Variants in LPIN2 observed in about 807,000 individuals in gnomAD.
The protein encoded by LPIN2 is phosphatidate phosphatase LPIN2.
A neutral mutation model predicts 111.4 loss-of-function variants in LPIN2; 55 were observed. The observed-to-expected ratio is 0.49, with a 90% CI of 0.40 to 0.62. The LOEUF is 0.62. Among genes scored for constraint, LPIN2 ranks in the 20% least tolerant of loss-of-function variants. The probability of loss-of-function intolerance (pLI) is 0.00; values close to 1 mark genes in which losing one functional copy is unlikely to be tolerated. For missense variants in LPIN2, 992 were observed against 1,112.1 expected (o/e 0.89, Z 1.54); for synonymous variants, 425 against 414.0 (o/e 1.03, Z -0.32).
At chr18:3,008,431 G>GTCT (rs2078549572) in intron 1 of LPIN2, among the ~76,000 whole-genome samples, 5 of 152,340 alleles carry the variant, frequency 3.3e-5, no homozygotes, top group Admixed American at 6.5e-5. Flanking sequence ...GACCAAGTGA[G>GTCT]ACCTTGTCTC....
At position 2,995,452 on chromosome 18, in the gene LPIN2, GT is replaced by G. The variant is rs1300217517; in HGVS notation, c.-10+17634del. Among the ~76,000 whole-genome samples, 7 of 152,228 alleles carry G rather than the reference GT, an allele frequency of 4.6e-5. No individual in the cohort carries two copies. The East Asian group carries it at 1.4e-3, about 29-fold the overall frequency. On this transcript the variant is annotated intron_variant, in intron 1 of 19. Transcript: ENST00000677752. The stretch of plus-strand genomic sequence containing the variant: ...TTCTTCCAAGTTTTGGTGTAAAACT[GT>G]TTAGTCACATCTACACTCTAGTATG...
chr18:2,996,768 C>A lies in LPIN2; in HGVS notation c.-10+16319G>T, dbSNP rs1277750745. On this transcript the variant is annotated intron_variant, in intron 1 of 19. Transcript: ENST00000677752. ...CTGGGATTACAGGCGTGAGCCACCA[C>A]GCTCGACCAATATCTTTATCTATCT... 2.6e-5 allele frequency among the ~76,000 whole-genome samples: 4 copies of A among 152,002 alleles called. No individual in the cohort carries two copies. In the East Asian group the frequency reaches 7.8e-4, roughly 30 times the overall value.
intron 2 of LPIN2, 99 bp downstream of exon 2, chr18:2,960,550 G>A (rs529355009): frequency 5.1e-6 from 6 of 1,169,170 alleles, no homozygotes; most frequent in Middle Eastern, 2.8e-4. Context: ...TCACAATAGC[G>A]ATTTATTCAT....
At chr18:2,949,175 G>A (rs1158942748) in intron 4 of LPIN2, among the ~76,000 whole-genome samples, 2 of 152,164 alleles carry the variant, frequency 1.3e-5, no homozygotes, top group East Asian at 3.8e-4. Context: ...TATTCTCCTA[G>A]TGAAGAGAAG....
intron 1 of LPIN2, among the ~76,000 whole-genome samples, chr18:2,966,713 A>G (rs1482874525): frequency 6.6e-6 from 1 of 152,176 alleles, no homozygotes; most frequent in Non-Finnish European, 1.5e-5. Flanking sequence ...ATTACAGGGA[A>G]TCCAAAGAAG....
Position 2,951,007 on chromosome 18 carries a change from T to C in LPIN2, c.590+48A>G. 3 of 1,608,444 alleles carry C rather than the reference T, an allele frequency of 1.9e-6. No individual in the cohort carries two copies. In the South Asian group the frequency reaches 3.3e-5, roughly 18 times the overall value. On this transcript the variant is annotated intron_variant, in intron 4 of 19. Coordinates refer to ENST00000677752, the MANE Select transcript of LPIN2 (RefSeq NM_001375808.2). Reference sequence around the variant, plus strand: ...AAAACTGGCAGCTCCTGGCTTCACATGAACTCTAGGTACCCGCACAAGACC... The same window carrying C: ...AAAACTGGCAGCTCCTGGCTTCACACGAACTCTAGGTACCCGCACAAGACC...
chr18:3,008,305 G>A (rs1185106855), intron 1 of LPIN2, among the ~76,000 whole-genome samples: 3 of 152,160 alleles, frequency 2.0e-5, no homozygotes, highest in African/African-American at 4.8e-5. Context: ...AGCTGGGCAC[G>A]GTGGCACCTC....
At chr18:2,980,387 C>T (rs1001269383) in intron 1 of LPIN2, among the ~76,000 whole-genome samples, 8 of 152,170 alleles carry the variant, frequency 5.3e-5, no homozygotes, top group Admixed American at 4.6e-4. Context: ...TTGTTCACCT[C>T]CAGTTGTTCT....
At chr18:2,937,646 C>CCATCTAATTTGA in intron 7 of LPIN2, 46 bp downstream of exon 7, 1 of 1,481,218 alleles carries the variant, frequency 6.8e-7, no homozygotes. Context: ...AAATAATTTA[C>CCATCTAATTTGA]CATCTAATTT....
Position 2,925,747 on chromosome 18 carries a change from T to C in LPIN2, c.1794-379A>G, listed in dbSNP as rs1057350916. Among the ~76,000 whole-genome samples the C allele has an allele frequency of 3.3e-5, 5 of 152,238 alleles. No homozygotes were observed. Among genetic ancestry groups the C allele is most frequent in the Non-Finnish European group, 7.3e-5 (5 of 68,038 alleles). On this transcript the variant is annotated intron_variant, in intron 13 of 19. Coordinates refer to ENST00000677752, the MANE Select transcript of LPIN2 (RefSeq NM_001375808.2). The surrounding 1 kb of genome is among the most constrained non-coding windows in gnomAD (Gnocchi z 4.1). ...CCGGCTGGGTGCGGTGCCTCACACC[T>C]GTAATCCCAACACTTTGGGAGGCCG... is the stretch of plus-strand genomic sequence containing the variant.
At chr18:2,946,580 G>T in intron 4 of LPIN2, 1 of 1,026,324 alleles carries the variant, frequency 9.7e-7, no homozygotes, top group Non-Finnish European at 1.5e-6. Flanking sequence ...ACCGGGAACA[G>T]CAAGAGGATG....
At chr18:2,966,645 T>C (rs2077807987) in intron 1 of LPIN2, among the ~76,000 whole-genome samples, 1 of 152,228 alleles carries the variant, frequency 6.6e-6, no homozygotes, top group Non-Finnish European at 1.5e-5. Context: ...GTGGGCTGCT[T>C]TCAGCAATCT....
chr18:2,929,198 A>C (rs1463537080), intron 9 of LPIN2, 40 bp from the exon 10 acceptor site: 1 of 1,188,056 alleles, frequency 8.4e-7, no homozygotes, highest in Non-Finnish European at 1.3e-6. Context: ...TAGAGATTAC[A>C]TAAATCCCTA....
In LPIN2 at chr18:2,920,198, G is replaced by C. The variant is rs1048760369; in HGVS notation, c.*95C>G. 1.5e-5 allele frequency: 23 copies of C among 1,548,030 alleles called. No homozygotes were observed. In the African/African-American group the frequency reaches 1.6e-4, roughly 11 times the overall value. ...GCTCCAGAAGCACCCGTCCCCGCTG[G>C]GGAAGGCTGGTATCTGAGGTCAGCA... On this transcript the variant is annotated 3_prime_UTR_variant, in exon 20 of 20. Transcript: ENST00000677752.
At chr18:2,961,744 T>G (rs2077717555) in intron 1 of LPIN2, among the ~76,000 whole-genome samples, 1 of 152,070 alleles carries the variant, frequency 6.6e-6, no homozygotes, top group Non-Finnish European at 1.5e-5. Flanking sequence ...CACCCCCACA[T>G]TTTATTCATT....
At chr18:2,967,445 G>C (rs1241914998) in intron 1 of LPIN2, 1 of 152,274 alleles carries the variant, frequency 6.6e-6, no homozygotes. Flanking sequence ...GAAACGCAAA[G>C]GTACCCACGC....
At chr18:2,946,760 G>C (rs1162679392) in intron 4 of LPIN2, 1 of 515,920 alleles carries the variant, frequency 1.9e-6, no homozygotes, top group East Asian at 3.8e-5. Context: ...CAGATAAGTG[G>C]GGCTGCTAAC....
At chr18:2,920,682 G>C (rs1598517372) in intron 19 of LPIN2, 96 bp downstream of exon 19, 2 of 940,382 alleles carry the variant, frequency 2.1e-6, no homozygotes, top group East Asian at 2.5e-5. Flanking sequence ...ATCAGGGCCT[G>C]ATCTCAAGGA....
chr18:2,961,602 C>T (rs1346304482), intron 1 of LPIN2, among the ~76,000 whole-genome samples: 5 of 152,166 alleles, frequency 3.3e-5, no homozygotes, highest in Non-Finnish European at 4.4e-5. Context: ...CAGAAAGGCT[C>T]AAAGGAGAGG....
Sources: allele counts gnomAD v4.1 joint callset (sites outside exome capture counted in the v4.1 genomes callset), GRCh38; gene constraint gnomAD v4.1.1; non-coding constraint Gnocchi (gnomAD v3.1); transcripts MANE v1.5; gene names NCBI Gene and HGNC (gene_info 2026-07-23, HGNC 2026-07-21).